Variants in GPC5 observed in about 807,000 individuals in gnomAD.
The protein encoded by GPC5 is glypican 5, also known as glypican-5.
A neutral mutation model predicts 53.9 loss-of-function variants in GPC5; 47 were observed. That is an observed-to-expected ratio of 0.87 (90% CI 0.69 to 1.11). The LOEUF is 1.11. GPC5 is among the 50% of genes most tolerant of loss of function. The pLI is 0.00. For synonymous variants in GPC5, 286 were observed against 263.3 expected (o/e 1.09, Z -0.84); for missense variants, 748 against 713.1 (o/e 1.05, Z -0.56).
At chr13:92,593,552 C>G (rs1883779366) in intron 7 of GPC5, among the ~76,000 whole-genome samples, 1 of 151,064 alleles carries the variant, frequency 6.6e-6, no homozygotes, top group South Asian at 2.1e-4. Flanking sequence ...ATACGGGAAT[C>G]ATCAGCAGAG....
chr13:91,796,222 AT>A (rs2038044038), intron 5 of GPC5, among the ~76,000 whole-genome samples: 1 of 152,160 alleles, frequency 6.6e-6, no homozygotes, highest in Non-Finnish European at 1.5e-5. Context: ...ATTAGGATGA[AT>A]CCAGGCACTT....
chr13:91,834,093 A>G (rs1266986484), intron 5 of GPC5, among the ~76,000 whole-genome samples: 1 of 152,126 alleles, frequency 6.6e-6, no homozygotes, highest in Non-Finnish European at 1.5e-5. Flanking sequence ...ATTCCTATAC[A>G]CCAAATAACA....
intron 6 of GPC5, among the ~76,000 whole-genome samples, chr13:92,051,929 G>A (rs1320173416): frequency 6.6e-6 from 1 of 152,170 alleles, no homozygotes; most frequent in Non-Finnish European, 1.5e-5. Flanking sequence ...ATTTGAGGTA[G>A]GAGTGAGGGA....
chr13:92,290,424 C>A (rs765947188), intron 7 of GPC5, among the ~76,000 whole-genome samples: 1 of 151,998 alleles, frequency 6.6e-6, no homozygotes, highest in Non-Finnish European at 1.5e-5. Context: ...GAGATTTTGG[C>A]GCACCCGTCA....
chr13:91,409,173 G>A (rs1877543234), intron 1 of GPC5, among the ~76,000 whole-genome samples: 1 of 152,228 alleles, frequency 6.6e-6, no homozygotes, highest in South Asian at 2.1e-4. Flanking sequence ...TGAGATGTCT[G>A]TGTTTAATGA....
At chr13:92,613,344 A>T (rs1167960185) in intron 7 of GPC5, among the ~76,000 whole-genome samples, 2 of 103,202 alleles carry the variant, frequency 1.9e-5, no homozygotes, top group African/African-American at 3.9e-5. Flanking sequence ...TAATATATTT[A>T]TATATAAATA....
chr13:92,572,465 A>C (rs1883059945), intron 7 of GPC5, among the ~76,000 whole-genome samples: 1 of 152,158 alleles, frequency 6.6e-6, no homozygotes, highest in African/African-American at 2.4e-5. Flanking sequence ...GGGAAGATGG[A>C]TACCGCTGTG....
chr13:91,919,810 A>C (rs2039693789), intron 6 of GPC5, among the ~76,000 whole-genome samples: 2 of 152,304 alleles, frequency 1.3e-5, no homozygotes, highest in East Asian at 1.9e-4. Context: ...AGAGAAGGAA[A>C]TAGATAAACT....
At chr13:92,162,963 A>G (rs2042000915) in intron 7 of GPC5, among the ~76,000 whole-genome samples, 1 of 152,088 alleles carries the variant, frequency 6.6e-6, no homozygotes, top group Non-Finnish European at 1.5e-5. Context: ...TGATTTTTTC[A>G]TAGACTATGA....
chr13:91,756,287 T>A lies in GPC5; in HGVS notation c.1155-8T>A. 1 of 1,476,574 alleles carries A rather than the reference T, an allele frequency of 6.8e-7. No individual in the cohort carries two copies. Among genetic ancestry groups the A allele is most frequent in the Non-Finnish European group, 9.1e-7 (1 of 1,098,426 alleles). 91.5% of individuals were successfully genotyped at this position (1,476,574 alleles called of 1,614,324 possible). A position where few individuals can be genotyped will look rare whatever the true frequency, so the allele number is the denominator to read the frequency against. ...GGTTTTAATTGTTTTCTTTCTTCTT[T>A]CATTTAGAGAATTTATCAACAGCCT... On this transcript the variant is annotated splice_polypyrimidine_tract_variant and splice_region_variant and intron_variant, in intron 4 of 7. Coordinates refer to ENST00000377067, the MANE Select transcript of GPC5 (RefSeq NM_004466.6).
intron 7 of GPC5, among the ~76,000 whole-genome samples, chr13:92,740,362 C>T (rs958325273): frequency 1.3e-5 from 2 of 152,022 alleles, no homozygotes; most frequent in Non-Finnish European, 2.9e-5. Flanking sequence ...TATTAAATAG[C>T]TGTTCATTTG....
intron 2 of GPC5, among the ~76,000 whole-genome samples, chr13:91,571,904 T>TATGTGTGTGTG (rs1485058372): frequency 1.6e-5 from 1 of 62,748 alleles, no homozygotes; most frequent in African/African-American, 9.1e-5. Flanking sequence ...TATACACATA[T>TATGTGTGTGTG]TGTATATATA....
At chr13:91,917,414 G>C (rs746054576) in intron 6 of GPC5, among the ~76,000 whole-genome samples, 1 of 152,112 alleles carries the variant, frequency 6.6e-6, no homozygotes, top group Non-Finnish European at 1.5e-5. Context: ...AGCTGCTTTC[G>C]TGGGCTGGCA....
chr13:91,889,777 CAG>C (rs976951419), intron 5 of GPC5, among the ~76,000 whole-genome samples: 1 of 152,164 alleles, frequency 6.6e-6, no homozygotes, highest in African/African-American at 2.4e-5. Flanking sequence ...ATGATTAAAA[CAG>C]ACATACTACT....
chr13:92,263,008 T>C (rs1360349823), intron 7 of GPC5, among the ~76,000 whole-genome samples: 1 of 152,144 alleles, frequency 6.6e-6, no homozygotes, highest in African/African-American at 2.4e-5. Context: ...TTATACATTG[T>C]CATAAAGATG....
At chr13:91,469,482 G>A (rs1334050613) in intron 2 of GPC5, among the ~76,000 whole-genome samples, 1 of 151,682 alleles carries the variant, frequency 6.6e-6, no homozygotes, top group East Asian at 1.9e-4. Context: ...GCCCAGGCTG[G>A]TCTTGAACTC....
At chr13:92,112,202 T>C (rs182073163) in intron 6 of GPC5, among the ~76,000 whole-genome samples, 67 of 152,134 alleles carry the variant, frequency 4.4e-4, no homozygotes, top group Admixed American at 2.3e-3. Flanking sequence ...AATTTAGAAA[T>C]GAAAAGAGTA....
chr13:92,607,736 T>G (rs1050441021), intron 7 of GPC5, among the ~76,000 whole-genome samples: 1 of 152,254 alleles, frequency 6.6e-6, no homozygotes, highest in African/African-American at 2.4e-5. Context: ...GCTGATTTAA[T>G]GTATGCATTT....
At chr13:91,403,803 A>G (rs982684520) in intron 1 of GPC5, among the ~76,000 whole-genome samples, 1 of 152,106 alleles carries the variant, frequency 6.6e-6, no homozygotes, top group Admixed American at 6.5e-5. Flanking sequence ...TTGATTTTCT[A>G]CTTTAGGGTC....
Sources: allele counts gnomAD v4.1 joint callset (sites outside exome capture counted in the v4.1 genomes callset), GRCh38; gene constraint gnomAD v4.1.1; transcripts MANE v1.5; gene names NCBI Gene and HGNC (gene_info 2026-07-23, HGNC 2026-07-21).